The following SLC1A1 variants were observed in gnomAD, a reference collection of about 807,000 sequenced individuals.
The protein encoded by SLC1A1 is excitatory amino acid transporter 3.
Under a neutral mutation model 53.3 loss-of-function variants are expected in SLC1A1, and 43 were observed. The ratio of observed to expected loss-of-function variants is 0.81; its 90% CI spans 0.63 to 1.04. SLC1A1 has a LOEUF of 1.04. Ranked by LOEUF, SLC1A1 falls within the 50% of genes least tolerant of loss-of-function variation. The pLI is 0.00. For synonymous variants in SLC1A1, 307 were observed against 243.2 expected (o/e 1.26, Z -2.44); for missense variants, 748 against 664.9 (o/e 1.12, Z -1.37).
chr9:4,554,781 T>C (rs1323619126), intron 2 of SLC1A1, among the ~76,000 whole-genome samples: 1 of 152,236 alleles, frequency 6.6e-6, no homozygotes, highest in Non-Finnish European at 1.5e-5. Context: ...TCACCTGATT[T>C]ATGTTTTTAA....
rs752836977 is a variant in SLC1A1 at position 4,576,648 on chromosome 9, C to T, written c.1078C>T (p.Pro360Ser). The change falls in exon 10 of 12, where the codon CCC becomes TCC. Residue 360 changes from proline (P) to serine (S), a missense_variant. Pro to Ser is a moderately conservative substitution (Grantham distance 74). Transcript: ENST00000262352. ...VDKRITRFVL[P>S]VGATINMDGT... ...CAAGAGGATCACTCGATTCGTGTTA[C>T]CCGTTGGTGCAACAATCAACATGGA... The T allele has an allele frequency of 2.5e-6, 4 of 1,613,980 alleles. No individual in the cohort carries two copies. Among genetic ancestry groups the T allele is most frequent in the East Asian group, 2.2e-5 (1 of 44,888 alleles).
chr9:4,506,281 C>T (rs1285713962), intron 1 of SLC1A1, among the ~76,000 whole-genome samples: 2 of 152,144 alleles, frequency 1.3e-5, no homozygotes, highest in Non-Finnish European at 2.9e-5. Context: ...TTCTATCCTG[C>T]CAGTGCTTTA....
At chr9:4,520,078 G>C (rs968761134) in intron 1 of SLC1A1, among the ~76,000 whole-genome samples, 1 of 152,130 alleles carries the variant, frequency 6.6e-6, no homozygotes, top group African/African-American at 2.4e-5. Flanking sequence ...CTCCTTTACA[G>C]GCTATGTTCC....
At chr9:4,579,728 T>C (rs1820882252) in intron 10 of SLC1A1, among the ~76,000 whole-genome samples, 1 of 152,232 alleles carries the variant, frequency 6.6e-6, no homozygotes, top group African/African-American at 2.4e-5. Context: ...GTTACCATTA[T>C]AGTTCATGTG....
chr9:4,508,744 G>A (rs1820892595), intron 1 of SLC1A1, among the ~76,000 whole-genome samples: 1 of 152,174 alleles, frequency 6.6e-6, no homozygotes, highest in African/African-American at 2.4e-5. Context: ...TCATAATCAG[G>A]TTTGATGAGC....
At chr9:4,511,164 G>A (rs1032237147) in intron 1 of SLC1A1, among the ~76,000 whole-genome samples, 5 of 152,214 alleles carry the variant, frequency 3.3e-5, no homozygotes, top group African/African-American at 1.2e-4. Flanking sequence ...GTCATAGTCT[G>A]TTCTGGCTGC....
intron 1 of SLC1A1, among the ~76,000 whole-genome samples, chr9:4,505,121 A>G: frequency 7.3e-6 from 1 of 137,866 alleles, no homozygotes; most frequent in Non-Finnish European, 1.5e-5. Context: ...ATCTTGGCTC[A>G]CTGCAACCTC....
intron 1 of SLC1A1, among the ~76,000 whole-genome samples, chr9:4,534,520 T>C (rs1382373682): frequency 1.3e-5 from 2 of 152,122 alleles, no homozygotes; most frequent in Non-Finnish European, 2.9e-5. Context: ...AGCAAGAAGT[T>C]GAATCTCTGA....
intron 1 of SLC1A1, among the ~76,000 whole-genome samples, chr9:4,492,117 T>C (rs148242628): frequency 1.8e-3 from 275 of 152,262 alleles, no homozygotes; most frequent in Non-Finnish European, 3.5e-3. Flanking sequence ...ATCTTGACTA[T>C]TTCCCCCAAG....
chr9:4,542,423 C>A (rs1191580076), intron 1 of SLC1A1, among the ~76,000 whole-genome samples: 3 of 152,026 alleles, frequency 2.0e-5, no homozygotes, highest in Non-Finnish European at 4.4e-5. Context: ...TTCTAATGAC[C>A]CTACATTAAT....
intron 10 of SLC1A1, among the ~76,000 whole-genome samples, chr9:4,578,733 C>T (rs1487825806): frequency 6.6e-6 from 1 of 152,208 alleles, no homozygotes; most frequent in African/African-American, 2.4e-5. Flanking sequence ...TTCTCTAGGA[C>T]AGCACTATTC....
At chr9:4,585,074 G>A (rs566355467) in intron 11 of SLC1A1, among the ~76,000 whole-genome samples, 1 of 152,296 alleles carries the variant, frequency 6.6e-6, no homozygotes, top group South Asian at 2.1e-4. Flanking sequence ...GTTTCTTTGG[G>A]AGAAGAGGAA....
At position 4,576,721 on chromosome 9, in the gene SLC1A1, T is replaced by C; in HGVS notation, c.1151T>C (p.Leu384Ser). Residue 384 changes from leucine (L) to serine (S), a missense_variant, in exon 10 of 12, where the codon TTG becomes TCG. Transcript: ENST00000262352. ...EAVAAVFIAQLNDLDLGIGQI... is the reference protein window; with the variant it reads ...EAVAAVFIAQSNDLDLGIGQI... ...GTGGCAGCGGTGTTTATTGCACAGT[T>C]GAATGACCTGGACTTGGGCATTGGG... 6.2e-7 allele frequency: 1 copy of C among 1,614,190 alleles called. No individual in the cohort carries two copies. The highest frequency in any genetic ancestry group is 2.2e-5 in the East Asian group (1 of 44,886).
Position 4,520,979 on chromosome 9 carries a change from G to C in SLC1A1, c.92-23588G>C, listed in dbSNP as rs544950654. ...AAATAGCCATTCTAATGAGTACAAA[G>C]TAACATCTTATTGTGGTTTTGATTT... On this transcript the variant is annotated intron_variant, in intron 1 of 11. Transcript: ENST00000262352. Among the ~76,000 whole-genome samples, 8 of 152,226 alleles carry C rather than the reference G, an allele frequency of 5.3e-5. 1 individual carries two copies. The highest frequency in any genetic ancestry group is 1.7e-4 in the African/African-American group (7 of 41,546).
intron 1 of SLC1A1, among the ~76,000 whole-genome samples, chr9:4,531,442 C>T (rs1816465676): frequency 2.0e-5 from 3 of 152,292 alleles, no homozygotes; most frequent in South Asian, 4.1e-4. Context: ...CCTACGCCCG[C>T]AGAGACTCAC....
At chr9:4,529,231 G>C (rs746393791) in intron 1 of SLC1A1, among the ~76,000 whole-genome samples, 4 of 152,154 alleles carry the variant, frequency 2.6e-5, no homozygotes, top group Non-Finnish European at 4.4e-5. Flanking sequence ...TTCAGGATCA[G>C]CTTCAAATCC....
intron 1 of SLC1A1, among the ~76,000 whole-genome samples, chr9:4,526,227 A>G (rs1208301742): frequency 1.3e-5 from 2 of 152,220 alleles, no homozygotes; most frequent in Non-Finnish European, 2.9e-5. Context: ...TAAAAATTAG[A>G]TGGAAAGAAT....
In SLC1A1 at chr9:4,561,551, A is replaced by T. The variant is rs752788217; in HGVS notation, c.325+10A>T. The stretch of plus-strand genomic sequence containing the variant: ...ATTGCTGTTATTCTAGGTAATACTT[A>T]TTTCTGAATCCTTACTACTTTATGT... On this transcript the variant is annotated intron_variant, in intron 3 of 11. Coordinates refer to ENST00000262352, the MANE Select transcript of SLC1A1 (RefSeq NM_004170.6). The T allele has an allele frequency of 1.4e-6, 2 of 1,447,992 alleles. No individual in the cohort carries two copies. The highest frequency in any genetic ancestry group is 1.9e-6 in the Non-Finnish European group (2 of 1,028,610). The allele number at this position is 1,447,992 out of a possible 1,614,324, so 89.7% of individuals were successfully genotyped here.
chr9:4,578,036 G>A (rs889391704), intron 10 of SLC1A1, among the ~76,000 whole-genome samples: 12 of 152,200 alleles, frequency 7.9e-5, no homozygotes, highest in African/African-American at 2.4e-4. Flanking sequence ...GAACAGGAAC[G>A]AGTGTAAGAG....
Sources: gnomAD v4.1 joint callset for allele counts (sites outside exome capture counted in the v4.1 genomes callset) on GRCh38, gnomAD v4.1.1 for gene constraint, MANE v1.5 for transcripts, NCBI Gene and HGNC (gene_info 2026-07-23, HGNC 2026-07-21) for gene names.